CDH8: variants seen among roughly 807,000 people sequenced by gnomAD.
CDH8 encodes cadherin-8.
Under a neutral mutation model 68.1 loss-of-function variants are expected in CDH8, and 17 were observed. The ratio of observed to expected loss-of-function variants is 0.25; its 90% CI spans 0.17 to 0.37. The LOEUF (loss-of-function observed/expected upper bound fraction) is 0.37. CDH8 is among the 10% of genes least tolerant of loss of function. The pLI is 1.00. For synonymous variants in CDH8, 372 were observed against 365.1 expected (o/e 1.02, Z -0.21); for missense variants, 763 against 999.3 (o/e 0.76, Z 3.19).
chr16:62,021,173 A>G lies in CDH8; in HGVS notation c.231T>C (p.Pro77=). Residue 77 remains proline, a synonymous_variant, in exon 2 of 12, where the codon CCT becomes CCC. Transcript: ENST00000577390. ...TTACCCGGCCAACAAGAATCGGTTC[A>G]GGTCCAGAAAACTCTTCCAGGACAA... ...QMFVLEEFSG[P]EPILVGRLHT... 6.2e-7 allele frequency: 1 copy of G among 1,613,986 alleles called. No homozygotes were observed. The highest frequency in any genetic ancestry group is 8.5e-7 in the Non-Finnish European group (1 of 1,179,906).
At chr16:61,778,537 T>C (rs1596958741) in intron 8 of CDH8, among the ~76,000 whole-genome samples, 1 of 152,150 alleles carries the variant, frequency 6.6e-6, no homozygotes, top group African/African-American at 2.4e-5. Flanking sequence ...AAATAAATAA[T>C]TTTAAATGAA....
chr16:61,758,437 T>C (rs1344864592), intron 8 of CDH8, among the ~76,000 whole-genome samples: 2 of 152,226 alleles, frequency 1.3e-5, no homozygotes, highest in East Asian at 1.9e-4. Context: ...TGTTGTTTTG[T>C]TTTGTTTTGT....
intron 2 of CDH8, among the ~76,000 whole-genome samples, chr16:61,913,065 G>A (rs1456821659): frequency 6.6e-6 from 1 of 152,050 alleles, no homozygotes; most frequent in Non-Finnish European, 1.5e-5. Flanking sequence ...TATGCTAAAT[G>A]TTTGGGAATA....
At chr16:61,691,765 A>T (rs1193068362) in intron 10 of CDH8, 2 of 152,098 alleles carry the variant, frequency 1.3e-5, no homozygotes, top group Non-Finnish European at 2.9e-5. Context: ...CTTTTGTAGT[A>T]CTTGGCTCAA....
chr16:61,989,477 C>A (rs908947271), intron 2 of CDH8, among the ~76,000 whole-genome samples: 1 of 152,210 alleles, frequency 6.6e-6, no homozygotes, highest in African/African-American at 2.4e-5. Flanking sequence ...CTAGAAAAGG[C>A]AGAGCATCTG....
intron 3 of CDH8, among the ~76,000 whole-genome samples, chr16:61,896,561 G>A (rs765399158): frequency 6.6e-6 from 1 of 152,090 alleles, no homozygotes; most frequent in Non-Finnish European, 1.5e-5. Flanking sequence ...AGTGGTAAGA[G>A]GAAGAAAAAA....
At chr16:61,995,186 G>T (rs1329545581) in intron 2 of CDH8, among the ~76,000 whole-genome samples, 1 of 152,112 alleles carries the variant, frequency 6.6e-6, no homozygotes, top group Non-Finnish European at 1.5e-5. Context: ...TATTTCTTGT[G>T]ATAGAAGATT....
chr16:61,850,106 A>T (rs938613804), intron 4 of CDH8, among the ~76,000 whole-genome samples: 6 of 152,066 alleles, frequency 3.9e-5, no homozygotes, highest in African/African-American at 1.2e-4. Flanking sequence ...CAAAGAAAAG[A>T]GGTTTATTTG....
At chr16:61,818,785 A>C (rs1213169783) in intron 6 of CDH8, among the ~76,000 whole-genome samples, 1 of 152,162 alleles carries the variant, frequency 6.6e-6, no homozygotes, top group African/African-American at 2.4e-5. Flanking sequence ...AACTTTAAAT[A>C]GGCAATGAAG....
At chr16:61,972,574 GTGTGTGTGTGT>G (rs1965359275) in intron 2 of CDH8, among the ~76,000 whole-genome samples, 24 of 107,304 alleles carry the variant, frequency 2.2e-4, no homozygotes, top group South Asian at 1.1e-3. Context: ...CATTGTGGGT[GTGTGTGTGTGT>G]GTGTGTGTGT....
intron 10 of CDH8, among the ~76,000 whole-genome samples, chr16:61,702,379 GAAAAAAAA>G (rs200454525): frequency 4.0e-5 from 5 of 126,426 alleles, no homozygotes; most frequent in African/African-American, 1.2e-4. Context: ...CTCAAAAAAA[GAAAAAAAA>G]AAAAGAAAAA....
chr16:61,899,691 C>G (rs529229716), intron 3 of CDH8, among the ~76,000 whole-genome samples: 4 of 152,216 alleles, frequency 2.6e-5, no homozygotes, highest in Admixed American at 2.0e-4. Context: ...CAGATCAAGT[C>G]AAGGAGAACA....
At chr16:62,015,295 A>ATG (rs1901909429) in intron 2 of CDH8, among the ~76,000 whole-genome samples, 1 of 152,170 alleles carries the variant, frequency 6.6e-6, no homozygotes, top group African/African-American at 2.4e-5. Flanking sequence ...ATATCTCAAT[A>ATG]TGTGTGCAAA....
chr16:62,027,507 T>C (rs1902222581), intron 1 of CDH8, among the ~76,000 whole-genome samples: 1 of 152,216 alleles, frequency 6.6e-6, no homozygotes. Context: ...ATGCTTTTAT[T>C]ATCCACTAGG....
rs1959619298 is a variant in CDH8, at chr16:61,734,434, C to G, written c.1415-7219G>C. On this transcript the variant is annotated intron_variant, in intron 8 of 11. Coordinates refer to ENST00000577390, the MANE Select transcript of CDH8 (RefSeq NM_001796.5). ...TAGATCTGCTTTTGCCTTTTATGTTCACCTCCTACTCCCTTTCTAGGGCCA... is the reference window on the plus strand; with the variant it reads ...TAGATCTGCTTTTGCCTTTTATGTTGACCTCCTACTCCCTTTCTAGGGCCA... Among the ~76,000 whole-genome samples the G allele has an allele frequency of 2.0e-5, 3 of 152,084 alleles. 1 individual carries two copies. In the South Asian group the frequency reaches 6.2e-4, roughly 32 times the overall value.
intron 8 of CDH8, among the ~76,000 whole-genome samples, chr16:61,767,431 C>T (rs548936984): frequency 6.6e-6 from 1 of 151,960 alleles, no homozygotes; most frequent in African/African-American, 2.4e-5. Context: ...TCACCTGAAA[C>T]GCAGGATAAT....
intron 8 of CDH8, among the ~76,000 whole-genome samples, chr16:61,787,264 T>C (rs1004623746): frequency 2.7e-5 from 4 of 147,328 alleles, no homozygotes; most frequent in Admixed American, 2.7e-4. Context: ...AACAACCCCA[T>C]CAAAAAGTGG....
chr16:61,983,773 C>G (rs1159267525), intron 2 of CDH8, among the ~76,000 whole-genome samples: 1 of 152,070 alleles, frequency 6.6e-6, no homozygotes, highest in Non-Finnish European at 1.5e-5. Context: ...ACTGGAAAGT[C>G]CAAGATCAGG....
chr16:62,031,342 C>A (rs1277968053), intron 1 of CDH8, among the ~76,000 whole-genome samples: 1 of 152,074 alleles, frequency 6.6e-6, no homozygotes, highest in African/African-American at 2.4e-5. Flanking sequence ...GAAATTTCTG[C>A]AGAGAAAATT....
Sources: allele counts gnomAD v4.1 joint callset (sites outside exome capture counted in the v4.1 genomes callset), GRCh38; gene constraint gnomAD v4.1.1; transcripts MANE v1.5; gene names NCBI Gene and HGNC (gene_info 2026-07-23, HGNC 2026-07-21).